RB1: variants seen among roughly 807,000 people sequenced by gnomAD.
The protein encoded by RB1 is retinoblastoma-associated protein.
RB1 carries 18 observed loss-of-function variants against 135.4 expected under a neutral mutation model. The observed-to-expected ratio is 0.13, with a 90% CI of 0.09 to 0.20. RB1 has a LOEUF of 0.20. RB1 is among the 10% of genes least tolerant of loss of function. The pLI is 1.00. For synonymous variants in RB1, 365 were observed against 373.2 expected (o/e 0.98, Z 0.25); for missense variants, 868 against 1,110.0 (o/e 0.78, Z 3.10).
At chr13:48,388,074 A>G (rs1948583948) in intron 17 of RB1, among the ~76,000 whole-genome samples, 1 of 152,200 alleles carries the variant, frequency 6.6e-6, no homozygotes, top group African/African-American at 2.4e-5. Context: ...TTTATTATCT[A>G]TATACTTAAC....
rs4151565 is a variant in RB1 at position 48,439,242 on chromosome 13, T to C, written c.1696-13751T>C. On this transcript the variant is annotated intron_variant, in intron 17 of 26. Transcript: ENST00000267163. Reference sequence around the variant, plus strand: ...AATACACATATCTACTTTATGGACGTATTTTGAAGATTAAATGAGATAATA... The same window carrying C: ...AATACACATATCTACTTTATGGACGCATTTTGAAGATTAAATGAGATAATA... Among the ~76,000 whole-genome samples the C allele has an allele frequency of 4.0e-3, 606 of 152,310 alleles. 3 individuals carry two copies. Among genetic ancestry groups the C allele is most frequent in the Middle Eastern group, 0.02 (6 of 294 alleles).
intron 17 of RB1, among the ~76,000 whole-genome samples, chr13:48,443,461 C>T (rs1949257748): frequency 6.6e-6 from 1 of 152,080 alleles, no homozygotes; most frequent in African/African-American, 2.4e-5. Flanking sequence ...TATTAAGTCA[C>T]AGTTTACTAA....
intron 2 of RB1, among the ~76,000 whole-genome samples, chr13:48,333,682 C>T (rs1239864307): frequency 6.6e-6 from 1 of 150,842 alleles, no homozygotes; most frequent in African/African-American, 2.4e-5. Context: ...TCTTAACTTA[C>T]ACTTTGGTGG....
At chr13:48,412,369 A>C (rs1157061909) in intron 17 of RB1, 1 of 1,613,978 alleles carries the variant, frequency 6.2e-7, no homozygotes. Flanking sequence ...CACCCATACA[A>C]AGTGTACTTA....
Position 48,368,593 on chromosome 13 carries a change from C to T in RB1, c.1116C>T (p.His372=), listed in dbSNP as rs2138123457. The change falls in exon 11 of 27, where the codon CAC becomes CAT. Residue 372 remains histidine (H), a synonymous_variant. Transcript: ENST00000267163. ...LDEEVNVIPP[H]TPVRTVMNTI... ...AAGAGGTGAATGTAATTCCTCCACA[C>T]ACTCCAGTTAGGTATGAATTTTCCT... is the stretch of plus-strand genomic sequence containing the variant. 6.2e-7 allele frequency: 1 copy of T among 1,613,306 alleles called. No homozygotes were observed. The highest frequency in any genetic ancestry group is 8.5e-7 in the Non-Finnish European group (1 of 1,179,644).
intron 17 of RB1, among the ~76,000 whole-genome samples, chr13:48,450,934 G>T (rs1949323287): frequency 6.6e-6 from 1 of 152,098 alleles, no homozygotes; most frequent in Non-Finnish European, 1.5e-5. Flanking sequence ...TATTCATTTT[G>T]TAGCAATTGT....
chr13:48,430,310 T>A (rs1486524878), intron 17 of RB1, among the ~76,000 whole-genome samples: 1 of 151,984 alleles, frequency 6.6e-6, no homozygotes, highest in African/African-American at 2.4e-5. Context: ...GGATAGCAAT[T>A]TGAAAAAAAG....
chr13:48,366,023 A>G (rs1952692921), intron 9 of RB1, among the ~76,000 whole-genome samples: 1 of 152,224 alleles, frequency 6.6e-6, no homozygotes, highest in African/African-American at 2.4e-5. Context: ...CAAGGGTTGG[A>G]CATTGTAGAT....
chr13:48,347,015 A>G (rs2138090411), intron 4 of RB1, among the ~76,000 whole-genome samples: 1 of 151,780 alleles, frequency 6.6e-6, no homozygotes, highest in Non-Finnish European at 1.5e-5. Flanking sequence ...TTTGGGGTAC[A>G]GTTCTGATTT....
chr13:48,455,049 T>C (rs1001156354), intron 18 of RB1, among the ~76,000 whole-genome samples: 8 of 152,174 alleles, frequency 5.3e-5, no homozygotes, highest in African/African-American at 1.9e-4. Flanking sequence ...ATTTCTGTAG[T>C]TCAGATGAGG....
chr13:48,343,783 CTT>C (rs1952468078), intron 3 of RB1, among the ~76,000 whole-genome samples: 1 of 152,160 alleles, frequency 6.6e-6, no homozygotes, highest in East Asian at 1.9e-4. Flanking sequence ...GTTCCTTTCT[CTT>C]TTCTCTTCTA....
chr13:48,364,830 A>T lies in RB1; in HGVS notation c.862-64A>T, dbSNP rs577719352. 55 of 1,522,384 alleles carry T rather than the reference A, an allele frequency of 3.6e-5. 2 individuals carry two copies. In the South Asian group the frequency reaches 6.5e-4, roughly 18 times the overall value. The allele number at this position is 1,522,384 out of a possible 1,614,324, so 94.3% of individuals were successfully genotyped here. On this transcript the variant is annotated intron_variant, in intron 8 of 26. Coordinates refer to ENST00000267163, the MANE Select transcript of RB1 (RefSeq NM_000321.3). ...CCTCTAACTTACCCTGCATTGTTCAAGAGTCAAGAGATTAGATTTTGTTTT... is the reference window on the plus strand; with the variant it reads ...CCTCTAACTTACCCTGCATTGTTCATGAGTCAAGAGATTAGATTTTGTTTT...
chr13:48,319,299 T>C lies in RB1; in HGVS notation c.264+11893T>C. 1.5e-6 allele frequency: 1 copy of C among 675,280 alleles called. No homozygotes were observed. Among genetic ancestry groups the C allele is most frequent in the Non-Finnish European group, 2.4e-6 (1 of 417,586 alleles). The allele number at this position is 675,280 out of a possible 1,614,324, so 41.8% of individuals were successfully genotyped here. ...TGTGTGCGGGGTCAGGCGTCCTCTC[T>C]CCTCCCGGCGCTGGGCCCTCTGGGG... On this transcript the variant is annotated intron_variant, in intron 2 of 26. Coordinates refer to ENST00000267163, the MANE Select transcript of RB1 (RefSeq NM_000321.3). The surrounding 1 kb of genome is among the most constrained non-coding windows in gnomAD (Gnocchi z 5.0).
intron 17 of RB1, among the ~76,000 whole-genome samples, chr13:48,409,299 T>G (rs1470506587): frequency 6.6e-6 from 1 of 151,780 alleles, no homozygotes; most frequent in African/African-American, 2.4e-5. Context: ...AAACCATGGA[T>G]CCCTAAAGAA....
chr13:48,360,146 C>G lies in RB1; in HGVS notation c.718+19C>G, dbSNP rs764322235. On this transcript the variant is annotated intron_variant, in intron 7 of 26. Transcript: ENST00000267163. ...CCATATAGTAAGTATTTAATTTATG[C>G]CCCTTTTACTTTCTCATTCAGCAGT... 6.2e-7 allele frequency: 1 copy of G among 1,611,318 alleles called. No homozygotes were observed. The highest frequency in any genetic ancestry group is 2.2e-5 in the East Asian group (1 of 44,660).
intron 17 of RB1, among the ~76,000 whole-genome samples, chr13:48,393,371 T>A (rs1202524811): frequency 1.3e-5 from 2 of 152,326 alleles, no homozygotes; most frequent in East Asian, 3.9e-4. Flanking sequence ...TTCCAGTTTC[T>A]CATCTCTGGA....
chr13:48,319,315 C>A lies in RB1; in HGVS notation c.264+11909C>A, dbSNP rs1021793443. The A allele has an allele frequency of 1.3e-5, 8 of 606,210 alleles. No homozygotes were observed. The highest frequency in any genetic ancestry group is 2.0e-5 in the Non-Finnish European group (7 of 358,650). 37.6% of individuals were successfully genotyped at this position (606,210 alleles called of 1,614,324 possible). A position where few individuals can be genotyped will look rare whatever the true frequency, so the allele number is the denominator to read the frequency against. On this transcript the variant is annotated intron_variant, in intron 2 of 26. Transcript: ENST00000267163. The surrounding 1 kb of genome is among the most constrained non-coding windows in gnomAD (Gnocchi z 5.0). The stretch of plus-strand genomic sequence containing the variant: ...CGTCCTCTCTCCTCCCGGCGCTGGG[C>A]CCTCTGGGGCAGGTCCCCGTTGGCC...
intron 2 of RB1, chr13:48,317,408 C>A: frequency 2.7e-6 from 1 of 371,454 alleles, no homozygotes; most frequent in South Asian, 3.6e-5. Flanking sequence ...TGGGTGAAGT[C>A]GCTCGAGGGC....
chr13:48,338,344 A>C (rs1952404761), intron 2 of RB1, among the ~76,000 whole-genome samples: 1 of 152,320 alleles, frequency 6.6e-6, no homozygotes, highest in African/African-American at 2.4e-5. Flanking sequence ...GTCTTTTCAC[A>C]GAGTCCGGTA....
Sources: allele counts gnomAD v4.1 joint callset (sites outside exome capture counted in the v4.1 genomes callset), GRCh38; gene constraint gnomAD v4.1.1; non-coding constraint Gnocchi (gnomAD v3.1); transcripts MANE v1.5; gene names NCBI Gene and HGNC (gene_info 2026-07-23, HGNC 2026-07-21).